SCML2: variants seen among roughly 807,000 people sequenced by gnomAD.
SCML2 encodes the protein Scm polycomb group protein like 2.
SCML2 carries 6 observed loss-of-function variants against 48.4 expected under a neutral mutation model. The ratio of observed to expected loss-of-function variants is 0.12; its 90% confidence interval spans 0.07 to 0.24. The LOEUF is 0.24. SCML2 is among the 10% of genes least tolerant of loss of function. The pLI is 1.00. For missense variants in SCML2, 377 were observed against 528.2 expected (o/e 0.71, Z 2.81); for synonymous variants, 181 against 189.5 (o/e 0.95, Z 0.37).
chrX:18,345,710 A>T (rs2086575018), intron 1 of SCML2, among the ~76,000 whole-genome samples: 1 of 107,076 alleles, frequency 9.3e-6, no homozygotes, highest in Non-Finnish European at 1.9e-5. Flanking sequence ...TTTTTTGATA[A>T]AATTTTTCTT....
intron 9 of SCML2, among the ~76,000 whole-genome samples, chrX:18,258,522 T>A (rs1227141943): frequency 8.9e-6 from 1 of 111,779 alleles, no homozygotes; most frequent in Non-Finnish European, 1.9e-5. Flanking sequence ...TACAGACATT[T>A]TAGGCACATC....
At chrX:18,317,935 C>G (rs1397026659) in intron 6 of SCML2, among the ~76,000 whole-genome samples, 2 of 110,267 alleles carry the variant, frequency 1.8e-5, no homozygotes, top group African/African-American at 3.3e-5. Context: ...AAGGGAGATG[C>G]ATTTTTCACT....
chrX:18,265,449 C>A lies in SCML2; in HGVS notation c.948+136G>T, dbSNP rs914324884. ...ACAATCTATCGATAGTTATGTGAGG[C>A]TTTCAAAAGCCTACATACTCTTAGT... On this transcript the variant is annotated intron_variant, in intron 8 of 14. Transcript: ENST00000251900. The A allele has an allele frequency of 1.4e-5, 7 of 497,302 alleles. No homozygotes were observed. In the African/African-American group the frequency reaches 1.7e-4, roughly 12 times the overall value. The allele number at this position is 497,302 out of a possible 1,213,427, so 41.0% of individuals were successfully genotyped here.
intron 8 of SCML2, among the ~76,000 whole-genome samples, chrX:18,260,539 C>T (rs969404054): frequency 4.5e-5 from 5 of 110,762 alleles, no homozygotes; most frequent in Non-Finnish European, 9.4e-5. Flanking sequence ...CCTACCCCTG[C>T]TCCAACTAAT....
intron 6 of SCML2, among the ~76,000 whole-genome samples, chrX:18,309,128 G>A (rs1160724992): frequency 9.4e-6 from 1 of 105,879 alleles, no homozygotes; most frequent in African/African-American, 3.5e-5. Flanking sequence ...TTGAACCCGG[G>A]AGACAGAGGA....
chrX:18,310,324 G>A (rs1426542110), intron 6 of SCML2, among the ~76,000 whole-genome samples: 1 of 89,326 alleles, frequency 1.1e-5, no homozygotes, highest in African/African-American at 4.4e-5. Context: ...GGAGTGCAGT[G>A]GCACGACCTC....
chrX:18,316,660 C>A (rs1437285529), intron 6 of SCML2, among the ~76,000 whole-genome samples: 1 of 111,874 alleles, frequency 8.9e-6, no homozygotes, highest in South Asian at 3.7e-4. Context: ...GGGTCCCCAA[C>A]CCCCCAGACT....
intron 7 of SCML2, among the ~76,000 whole-genome samples, chrX:18,301,111 T>C (rs1023446285): frequency 1.1e-4 from 12 of 111,331 alleles, no homozygotes; most frequent in Non-Finnish European, 9.4e-5. Context: ...AAGAAAAGAA[T>C]TATTGGCCAG....
At chrX:18,318,329 A>ATCT (rs1422677192) in intron 6 of SCML2, among the ~76,000 whole-genome samples, 1 of 112,723 alleles carries the variant, frequency 8.9e-6, no homozygotes, top group Non-Finnish European at 1.9e-5. Flanking sequence ...TATGCCTTCA[A>ATCT]TCTTCTTCAA....
At chrX:18,269,235 T>G (rs971649364) in intron 7 of SCML2, among the ~76,000 whole-genome samples, 2 of 111,911 alleles carry the variant, frequency 1.8e-5, no homozygotes, top group Non-Finnish European at 3.8e-5. Flanking sequence ...GTAATTTCCA[T>G]AATCCCCACA....
At chrX:18,308,978 G>C (rs907169438) in intron 6 of SCML2, among the ~76,000 whole-genome samples, 1 of 111,157 alleles carries the variant, frequency 9.0e-6, no homozygotes, top group Non-Finnish European at 1.9e-5. Context: ...GGAGGCTGAG[G>C]TGGGTGGATA....
chrX:18,325,849 T>C (rs994224837), intron 3 of SCML2, among the ~76,000 whole-genome samples: 1 of 111,951 alleles, frequency 8.9e-6, no homozygotes, highest in Non-Finnish European at 1.9e-5. Flanking sequence ...TATAAAAATA[T>C]TGGGTTTGAC....
intron 1 of SCML2, among the ~76,000 whole-genome samples, chrX:18,350,397 A>T (rs780666386): frequency 9.2e-6 from 1 of 109,285 alleles, no homozygotes; most frequent in East Asian, 2.9e-4. Context: ...CCAACATGGT[A>T]AAACCCCATC....
chrX:18,306,179 G>T (rs761974812), intron 6 of SCML2, among the ~76,000 whole-genome samples: 1 of 111,579 alleles, frequency 9.0e-6, no homozygotes, highest in South Asian at 3.8e-4. Context: ...ATCTATGGTG[G>T]GTCCTGGGAA....
intron 7 of SCML2, among the ~76,000 whole-genome samples, chrX:18,276,918 T>C (rs1927661798): frequency 9.0e-6 from 1 of 111,096 alleles, no homozygotes; most frequent in African/African-American, 3.3e-5. Flanking sequence ...AGGTGATGGT[T>C]GCACAACATA....
chrX:18,323,750 T>C (rs372382549), intron 5 of SCML2, 109 bp downstream of exon 5: 1 of 549,665 alleles, frequency 1.8e-6, no homozygotes, highest in African/African-American at 2.3e-5. Context: ...CACCTGACCA[T>C]CTATTTGCAA....
intron 6 of SCML2, among the ~76,000 whole-genome samples, chrX:18,312,386 T>TC: frequency 9.0e-6 from 1 of 110,877 alleles, no homozygotes; most frequent in East Asian, 2.8e-4. Context: ...CCTATATACA[T>TC]CCCCCCATAT....
chrX:18,269,118 C>A (rs913288279), intron 7 of SCML2, among the ~76,000 whole-genome samples: 1 of 111,850 alleles, frequency 8.9e-6, no homozygotes, highest in Non-Finnish European at 1.9e-5. Context: ...ACTTTTCTTC[C>A]CCCAAACATA....
intron 10 of SCML2, among the ~76,000 whole-genome samples, chrX:18,257,835 C>G (rs1004808371): frequency 3.0e-5 from 3 of 101,439 alleles, no homozygotes; most frequent in Admixed American, 1.1e-4. Flanking sequence ...CTGCAGTGAG[C>G]CAAGATCACA....
Sources: allele counts gnomAD v4.1 joint callset (sites outside exome capture counted in the v4.1 genomes callset), GRCh38; gene constraint gnomAD v4.1.1; transcripts MANE v1.5; gene names NCBI Gene and HGNC (gene_info 2026-07-23, HGNC 2026-07-21).